The following PELI1 variants were observed in gnomAD, a reference collection of about 807,000 sequenced individuals.
PELI1 encodes the protein E3 ubiquitin-protein ligase pellino homolog 1.
Under a neutral mutation model 41.3 loss-of-function variants are expected in PELI1, and 15 were observed. That is an observed-to-expected ratio of 0.36 (90% confidence interval 0.24 to 0.56). The LOEUF is 0.56. PELI1 is among the 20% of genes least tolerant of loss of function. The probability of loss-of-function intolerance (pLI) is 0.82; values close to 1 mark genes in which losing one functional copy is unlikely to be tolerated. For synonymous variants in PELI1, 178 were observed against 180.1 expected (o/e 0.99, Z 0.09); for missense variants, 403 against 525.5 (o/e 0.77, Z 2.28).
At chr2:64,116,443 G>T (rs1258788884) in intron 1 of PELI1, among the ~76,000 whole-genome samples, 1 of 152,090 alleles carries the variant, frequency 6.6e-6, no homozygotes, top group African/African-American at 2.4e-5. Context: ...CAGTTATTTG[G>T]AACAAAAACA....
intron 2 of PELI1, chr2:64,106,105 A>G (rs1200093676): frequency 2.0e-5 from 3 of 152,188 alleles, no homozygotes. Context: ...CTTAGCTAAT[A>G]ATTATTTTAG....
intron 1 of PELI1, among the ~76,000 whole-genome samples, chr2:64,123,879 T>G (rs776023610): frequency 9.2e-5 from 14 of 152,160 alleles, no homozygotes; most frequent in Admixed American, 8.5e-4. Context: ...AGCCCCAAAG[T>G]AGAAACAACC....
At chr2:64,139,717 T>C (rs138416738) in intron 1 of PELI1, among the ~76,000 whole-genome samples, 316 of 152,368 alleles carry the variant, frequency 2.1e-3, no homozygotes, top group African/African-American at 7.2e-3. Context: ...CTGTGACATG[T>C]AAACGGCATC....
Position 64,094,947 on chromosome 2 carries a change from A to T in PELI1, c.1012T>A (p.Ser338Thr), listed in dbSNP as rs948569432. The change falls in exon 7 of 7, where the codon TCT (serine) becomes ACT (threonine). Residue 338 changes from serine (S) to threonine (T), a missense_variant. Physicochemically the swap from Ser to Thr is moderately conservative, Grantham distance 58. Coordinates refer to ENST00000358912, the MANE Select transcript of PELI1 (RefSeq NM_020651.4). ...CACAGAGGAACATAGGGACCAACAG[A>T]CCTACACATAGGACATTCACGATCT... ...GKDRECPMCRSVGPYVPLWLG... is the reference protein window; with the variant it reads ...GKDRECPMCRTVGPYVPLWLG... The T allele has an allele frequency of 3.1e-6, 5 of 1,614,046 alleles. No individual in the cohort carries two copies. The African/African-American group carries it at 6.7e-5, about 22-fold the overall frequency.
At chr2:64,127,295 T>G (rs1200799626) in intron 1 of PELI1, among the ~76,000 whole-genome samples, 6 of 152,148 alleles carry the variant, frequency 3.9e-5, no homozygotes, top group African/African-American at 7.2e-5. Context: ...TCCCAGAACT[T>G]TGGGAGGCCC....
intron 1 of PELI1, among the ~76,000 whole-genome samples, chr2:64,140,625 G>A (rs988680491): frequency 6.6e-6 from 1 of 151,602 alleles, no homozygotes; most frequent in Non-Finnish European, 1.5e-5. Flanking sequence ...AAAAAAATTA[G>A]AAATTCCCTG....
chr2:64,103,419 T>C (rs961686744), intron 3 of PELI1, among the ~76,000 whole-genome samples: 18 of 152,114 alleles, frequency 1.2e-4, no homozygotes, highest in Admixed American at 3.9e-4. Flanking sequence ...GTGAAGGACC[T>C]ATAAATGTCC....
intron 1 of PELI1, among the ~76,000 whole-genome samples, chr2:64,118,467 T>G (rs978112941): frequency 2.0e-5 from 3 of 152,196 alleles, no homozygotes; most frequent in African/African-American, 7.2e-5. Flanking sequence ...GATTAAGCTT[T>G]TCATGAATTT....
intron 1 of PELI1, among the ~76,000 whole-genome samples, chr2:64,132,825 C>G (rs1053029605): frequency 3.3e-5 from 5 of 152,150 alleles, no homozygotes; most frequent in African/African-American, 1.2e-4. Context: ...TGGCCTATAG[C>G]AGTAGCACAC....
chr2:64,140,799 A>C (rs1289971869), intron 1 of PELI1, among the ~76,000 whole-genome samples: 3 of 125,572 alleles, frequency 2.4e-5, no homozygotes, highest in East Asian at 4.6e-4. Flanking sequence ...AAAAAAAAAA[A>C]CAAACAAACA....
chr2:64,125,258 T>C (rs1201877823), intron 1 of PELI1, among the ~76,000 whole-genome samples: 1 of 152,154 alleles, frequency 6.6e-6, no homozygotes, highest in African/African-American at 2.4e-5. Context: ...CTTAATTTCT[T>C]GGTCCTTCTG....
At chr2:64,103,829 T>C (rs749625607) in intron 3 of PELI1, among the ~76,000 whole-genome samples, 2 of 152,228 alleles carry the variant, frequency 1.3e-5, no homozygotes, top group Admixed American at 1.3e-4. Flanking sequence ...ATCCTAGGGC[T>C]ACTTAGCTAA....
At chr2:64,098,226 T>A (rs1680308812) in intron 4 of PELI1, among the ~76,000 whole-genome samples, 1 of 152,216 alleles carries the variant, frequency 6.6e-6, no homozygotes, top group Admixed American at 6.5e-5. Context: ...ATTCTTCCCC[T>A]GCTATTATTA....
chr2:64,110,699 G>A (rs1680782604), intron 1 of PELI1, among the ~76,000 whole-genome samples: 2 of 152,178 alleles, frequency 1.3e-5, no homozygotes, highest in African/African-American at 4.8e-5. Context: ...GGCCAAGGTG[G>A]GAAGATCACT....
At chr2:64,108,093 C>A in intron 2 of PELI1, 147 bp downstream of exon 2, 1 of 578,598 alleles carries the variant, frequency 1.7e-6, no homozygotes, top group Non-Finnish European at 3.1e-6. Flanking sequence ...AAAAGAGTTT[C>A]TTGATTTGGT....
intron 3 of PELI1, among the ~76,000 whole-genome samples, chr2:64,101,768 AGATTATACT>A (rs1434688690): frequency 2.0e-5 from 3 of 151,972 alleles, no homozygotes; most frequent in African/African-American, 7.3e-5. Flanking sequence ...AATATAGAAG[AGATTATACT>A]AACGACTCAG....
At position 64,094,518 on chromosome 2, in the gene PELI1, C is replaced by T; in HGVS notation, c.*184G>A. ...CAGAAGACTGATACTTTCAGAAATT[C>T]CTTTGCTTGAGTTTCCCAGATTTTT... On this transcript the variant is annotated 3_prime_UTR_variant, in exon 7 of 7. Transcript: ENST00000358912. 2.0e-6 allele frequency: 1 copy of T among 500,942 alleles called. No individual in the cohort carries two copies. Among genetic ancestry groups the T allele is most frequent in the East Asian group, 3.1e-5 (1 of 32,366 alleles). The allele number at this position is 500,942 out of a possible 1,614,324, so 31.0% of individuals were successfully genotyped here. A position where few individuals can be genotyped will look rare whatever the true frequency, so the allele number is the denominator to read the frequency against.
At chr2:64,101,066 T>C (rs145952442) in intron 3 of PELI1, among the ~76,000 whole-genome samples, 4 of 152,066 alleles carry the variant, frequency 2.6e-5, no homozygotes, top group Admixed American at 2.0e-4. Context: ...GACTCCCTTA[T>C]TAAGTATTTT....
chr2:64,132,246 C>A (rs953725777), intron 1 of PELI1, among the ~76,000 whole-genome samples: 2 of 152,122 alleles, frequency 1.3e-5, no homozygotes, highest in African/African-American at 4.8e-5. Context: ...CAGGAAGATA[C>A]AGGTTGAGCA....
Sources: gnomAD v4.1 joint callset for allele counts (sites outside exome capture counted in the v4.1 genomes callset) on GRCh38, gnomAD v4.1.1 for gene constraint, MANE v1.5 for transcripts, NCBI Gene and HGNC (gene_info 2026-07-23, HGNC 2026-07-21) for gene names.